The following PPP2R5E variants were observed in gnomAD, a reference collection of about 807,000 sequenced individuals.
The protein encoded by PPP2R5E is serine/threonine-protein phosphatase 2A 56 kDa regulatory subunit epsilon isoform.
Under a neutral mutation model 65.3 loss-of-function variants are expected in PPP2R5E, and 4 were observed. The ratio of observed to expected loss-of-function variants is 0.06; its 90% CI spans 0.03 to 0.14. PPP2R5E has a LOEUF of 0.14. Ranked by LOEUF, PPP2R5E falls within the 10% of genes least tolerant of loss-of-function variation. PPP2R5E has a pLI of 1.00. For synonymous variants in PPP2R5E, 183 were observed against 187.4 expected, an observed-to-expected ratio of 0.98 and a Z score of 0.19; for missense variants, 274 against 556.1, an observed-to-expected ratio of 0.49 and a Z score of 5.10.
Position 63,391,832 on chromosome 14 carries a change from T to C in PPP2R5E, c.939A>G (p.Thr313=), listed in dbSNP as rs371355681. 16 of 1,613,352 alleles carry C rather than the reference T, an allele frequency of 9.9e-6. No homozygotes were observed. The highest frequency in any genetic ancestry group is 1.3e-5 in the Non-Finnish European group (15 of 1,179,412). The part of the protein sequence containing the change: ...IRGLMKFWPK[T]CSQKEVMFLG... ...AAGCACTTACCTCTTTTTGACTACA[T>C]GTTTTAGGCCAAAATTTCATTAACC... Residue 313 remains threonine (T), a synonymous_variant, in exon 10 of 14, where the codon ACA becomes ACG. Coordinates refer to ENST00000337537, the MANE Select transcript of PPP2R5E (RefSeq NM_006246.5).
intron 3 of PPP2R5E, among the ~76,000 whole-genome samples, chr14:63,441,662 A>C (rs919182323): frequency 1.3e-5 from 2 of 152,234 alleles, no homozygotes; most frequent in African/African-American, 4.8e-5. Flanking sequence ...CTGTAATCCC[A>C]GCACTTTGGG....
intron 5 of PPP2R5E, among the ~76,000 whole-genome samples, chr14:63,410,462 T>C (rs187306961): frequency 1.9e-3 from 295 of 151,852 alleles, no homozygotes; most frequent in Non-Finnish European, 3.5e-3. Flanking sequence ...TAAGTCACAG[T>C]GGGAAAGAGG....
intron 2 of PPP2R5E, among the ~76,000 whole-genome samples, chr14:63,473,102 T>G (rs1272451973): frequency 6.6e-5 from 10 of 152,172 alleles, no homozygotes; most frequent in Admixed American, 5.9e-4. Context: ...AAAGGAAAGA[T>G]AGTCAAAGAT....
In PPP2R5E at chr14:63,374,689, GTTTT is replaced by G. The variant is rs869176442; in HGVS notation, c.*1316_*1319del. 1.1e-5 allele frequency: 1 copy of G among 88,700 alleles called. No individual in the cohort carries two copies. Among genetic ancestry groups the G allele is most frequent in the Admixed American group, 1.1e-4 (1 of 9,138 alleles). 5.5% of individuals were successfully genotyped at this position (88,700 alleles called of 1,614,324 possible). A position where few individuals can be genotyped will look rare whatever the true frequency, so the allele number is the denominator to read the frequency against. ...TATATAAAATACAGCCCTAGATTTT[GTTTT>G]TTTTGTTTTTTTTTCTTAAACAATT... On this transcript the variant is annotated 3_prime_UTR_variant, in exon 14 of 14. Transcript: ENST00000337537.
chr14:63,428,320 G>A (rs554574527), intron 3 of PPP2R5E, among the ~76,000 whole-genome samples: 1 of 152,206 alleles, frequency 6.6e-6, no homozygotes, highest in South Asian at 2.1e-4. Context: ...AATAACTAGA[G>A]GTGCCAAATA....
At chr14:63,446,389 G>T (rs1018677351) in intron 3 of PPP2R5E, among the ~76,000 whole-genome samples, 3 of 152,088 alleles carry the variant, frequency 2.0e-5, no homozygotes, top group Non-Finnish European at 4.4e-5. Flanking sequence ...GAAGGTTTTC[G>T]ATTTGTTTTG....
chr14:63,515,224 T>A (rs1892620437), intron 2 of PPP2R5E, among the ~76,000 whole-genome samples: 1 of 152,182 alleles, frequency 6.6e-6, no homozygotes, highest in African/African-American at 2.4e-5. Context: ...ATCTCAAGCT[T>A]CAATAAAGTT....
chr14:63,412,726 C>A (rs1007156420), intron 5 of PPP2R5E, among the ~76,000 whole-genome samples: 2 of 152,066 alleles, frequency 1.3e-5, no homozygotes, highest in Non-Finnish European at 2.9e-5. Flanking sequence ...TGGGGATTGG[C>A]GAGGAGAAAA....
At chr14:63,453,600 C>T in intron 3 of PPP2R5E, 89 bp downstream of exon 3, 1 of 1,309,648 alleles carries the variant, frequency 7.6e-7, no homozygotes, top group Non-Finnish European at 1.1e-6. Context: ...TGGAGTTGAC[C>T]TCCAATGACC....
At chr14:63,536,174 C>G (rs1893662343) in intron 2 of PPP2R5E, among the ~76,000 whole-genome samples, 1 of 152,134 alleles carries the variant, frequency 6.6e-6, no homozygotes, top group Non-Finnish European at 1.5e-5. Context: ...TTCAAAAAAT[C>G]ACATTCTTGG....
intron 3 of PPP2R5E, chr14:63,452,860 GCC>G (rs1888920351): frequency 6.6e-6 from 1 of 152,200 alleles, no homozygotes; most frequent in South Asian, 2.1e-4. Context: ...CAGAGAGTGT[GCC>G]AGATCCTGCA....
At chr14:63,458,389 G>A (rs777929482) in intron 2 of PPP2R5E, among the ~76,000 whole-genome samples, 2 of 152,140 alleles carry the variant, frequency 1.3e-5, no homozygotes, top group Non-Finnish European at 2.9e-5. Flanking sequence ...ATTTTCTTCA[G>A]GCCTGCCTCA....
At chr14:63,503,278 A>T (rs1891987082) in intron 2 of PPP2R5E, among the ~76,000 whole-genome samples, 1 of 152,180 alleles carries the variant, frequency 6.6e-6, no homozygotes, top group Non-Finnish European at 1.5e-5. Flanking sequence ...CAGAAGACGA[A>T]TTTCCATCTT....
intron 2 of PPP2R5E, among the ~76,000 whole-genome samples, chr14:63,521,967 C>G (rs554217987): frequency 4.6e-4 from 53 of 115,050 alleles, no homozygotes; most frequent in Middle Eastern, 4.7e-3. Flanking sequence ...CCCTCCCCCT[C>G]TCCCCACGGT....
At chr14:63,393,748 A>T in intron 8 of PPP2R5E, 72 bp downstream of exon 8, 1 of 1,034,636 alleles carries the variant, frequency 9.7e-7, no homozygotes, top group Non-Finnish European at 1.5e-6. Context: ...TGAAGGTTAT[A>T]TCAATATCAA....
chr14:63,381,159 G>T (rs1236385032), intron 13 of PPP2R5E, among the ~76,000 whole-genome samples: 1 of 152,330 alleles, frequency 6.6e-6, no homozygotes, highest in East Asian at 1.9e-4. Flanking sequence ...CATTGGACAA[G>T]ATTTTTACTA....
At chr14:63,447,117 T>C (rs1201816204) in intron 3 of PPP2R5E, among the ~76,000 whole-genome samples, 1 of 152,158 alleles carries the variant, frequency 6.6e-6, no homozygotes, top group Non-Finnish European at 1.5e-5. Context: ...GAATGGTAAA[T>C]GAGCACTGGC....
Position 63,375,320 on chromosome 14 carries a change from A to T in PPP2R5E, c.*689T>A, listed in dbSNP as rs1248865039. ...CACCATAAACTGATGCATGAATCCG[A>T]TATTCCCTTCCCTACTATGTTTATC... is the stretch of plus-strand genomic sequence containing the variant. On this transcript the variant is annotated 3_prime_UTR_variant, in exon 14 of 14. Coordinates refer to ENST00000337537, the MANE Select transcript of PPP2R5E (RefSeq NM_006246.5). 1.3e-5 allele frequency: 2 copies of T among 152,634 alleles called. No individual in the cohort carries two copies. Among genetic ancestry groups the T allele is most frequent in the African/African-American group, 4.8e-5 (2 of 41,462 alleles). 9.5% of individuals were successfully genotyped at this position (152,634 alleles called of 1,614,324 possible).
At chr14:63,384,781 C>T (rs1453064066) in intron 11 of PPP2R5E, among the ~76,000 whole-genome samples, 1 of 151,990 alleles carries the variant, frequency 6.6e-6, no homozygotes, top group African/African-American at 2.4e-5. Flanking sequence ...CTGCAACCTC[C>T]GCCTCTCGGG....
Sources: gnomAD v4.1 joint callset for allele counts (sites outside exome capture counted in the v4.1 genomes callset) on GRCh38, gnomAD v4.1.1 for gene constraint, MANE v1.5 for transcripts, NCBI Gene and HGNC (gene_info 2026-07-23, HGNC 2026-07-21) for gene names.